PARD3B: variants seen among roughly 807,000 people sequenced by gnomAD.
PARD3B encodes par-3 family cell polarity regulator beta, also known as partitioning defective 3 homolog B.
In PARD3B, 103 loss-of-function variants were observed where a neutral mutation model predicts 130.2. The ratio of observed to expected loss-of-function variants is 0.79; its 90% CI spans 0.67 to 0.93. The LOEUF is 0.93. Ranked by LOEUF, PARD3B falls within the 40% of genes least tolerant of loss-of-function variation. The pLI, the probability that PARD3B is intolerant of heterozygous loss-of-function variation, is 0.00. For missense variants in PARD3B, 1,609 were observed against 1,499.2 expected (o/e 1.07, Z -1.21); for synonymous variants, 583 against 553.2 (o/e 1.05, Z -0.76).
intron 20 of PARD3B, among the ~76,000 whole-genome samples, chr2:205,490,764 C>A (rs912601353): frequency 1.3e-5 from 2 of 152,184 alleles, no homozygotes; most frequent in Non-Finnish European, 2.9e-5. Context: ...CACATCCTCT[C>A]CAGCACCTGT....
chr2:205,236,522 A>C (rs1017763464), intron 15 of PARD3B, among the ~76,000 whole-genome samples: 1 of 152,156 alleles, frequency 6.6e-6, no homozygotes, highest in Non-Finnish European at 1.5e-5. Flanking sequence ...AGAAATCAGC[A>C]CTGCTCACAG....
chr2:205,028,498 A>G (rs796321462), intron 3 of PARD3B, among the ~76,000 whole-genome samples: 2 of 152,158 alleles, frequency 1.3e-5, no homozygotes, highest in African/African-American at 4.8e-5. Context: ...AATACTCAAC[A>G]TGAAAAGCTG....
rs771553068 is a variant in PARD3B at position 204,953,418 on chromosome 2, CACAGAGAG to C, written c.223-11732_223-11725del. 4.7e-3 allele frequency among the ~76,000 whole-genome samples: 551 copies of C among 117,514 alleles called. 9 individuals carry two copies. The highest frequency in any genetic ancestry group is 0.016 in the African/African-American group (489 of 31,312). The allele number at this position is 117,514 out of a possible 152,430, so 77.1% of individuals were successfully genotyped here. On this transcript the variant is annotated intron_variant, in intron 2 of 22. Transcript: ENST00000406610. The stretch of plus-strand genomic sequence containing the variant: ...ACATATATATGTTAACATACACACA[CACAGAGAG>C]AGAGAGAGAGAGAGAGAGAGAGAGA...
intron 22 of PARD3B, among the ~76,000 whole-genome samples, chr2:205,561,525 C>T (rs570858947): frequency 6.6e-6 from 1 of 152,170 alleles, no homozygotes; most frequent in Non-Finnish European, 1.5e-5. Flanking sequence ...TGCGACAAGG[C>T]CAGCTTGTCA....
intron 21 of PARD3B, among the ~76,000 whole-genome samples, chr2:205,522,372 G>GT (rs1334360091): frequency 6.6e-6 from 1 of 151,426 alleles, no homozygotes; most frequent in Admixed American, 6.6e-5. Flanking sequence ...AAGGAATTAG[G>GT]TTTTTTATTT....
At chr2:204,981,013 T>C (rs1383947761) in intron 3 of PARD3B, among the ~76,000 whole-genome samples, 2 of 152,204 alleles carry the variant, frequency 1.3e-5, no homozygotes, top group African/African-American at 2.4e-5. Flanking sequence ...TTATACTATC[T>C]TTGCAAGTTA....
At chr2:205,512,743 G>A (rs1479383431) in intron 21 of PARD3B, among the ~76,000 whole-genome samples, 2 of 152,052 alleles carry the variant, frequency 1.3e-5, no homozygotes, top group African/African-American at 4.8e-5. Context: ...GTGATTTGAA[G>A]TTTCTCCTTT....
In PARD3B at chr2:205,091,457, G is replaced by T. The variant is rs972220022; in HGVS notation, c.505-12969G>T. 6.6e-6 allele frequency among the ~76,000 whole-genome samples: 1 copy of T among 152,158 alleles called. No homozygotes were observed. The highest frequency in any genetic ancestry group is 2.4e-5 in the African/African-American group (1 of 41,434). The stretch of plus-strand genomic sequence containing the variant: ...AAATAGATGAGGAGGGTGGCCATTA[G>T]AATATCCTCCCCACATTCACTCAGG... On this transcript the variant is annotated intron_variant, in intron 4 of 22. Transcript: ENST00000406610. The surrounding 1 kb of genome is among the most constrained non-coding windows in gnomAD (Gnocchi z 4.2).
At chr2:204,957,065 A>C (rs1445050178) in intron 2 of PARD3B, among the ~76,000 whole-genome samples, 1 of 152,178 alleles carries the variant, frequency 6.6e-6, no homozygotes, top group Non-Finnish European at 1.5e-5. Context: ...AATGTTGTTT[A>C]ATGAATCATG....
chr2:205,603,568 C>T (rs1328809828), intron 22 of PARD3B, among the ~76,000 whole-genome samples: 2 of 152,162 alleles, frequency 1.3e-5, no homozygotes, highest in South Asian at 2.1e-4. Context: ...AGATAGTTAG[C>T]TCTTCTTGTT....
rs546863095 is a variant in PARD3B at position 205,092,216 on chromosome 2, GA to G, written c.505-12209del. 1.9e-3 allele frequency among the ~76,000 whole-genome samples: 295 copies of G among 152,184 alleles called. 1 individual carries two copies. Among genetic ancestry groups the G allele is most frequent in the Middle Eastern group, 3.4e-3 (1 of 294 alleles). ...GATGGAGCAAGAGGAAGTGCTGAAGGACCAACTTGGAGACTCTCAGGTGTGG... is the reference window on the plus strand; with the variant it reads ...GATGGAGCAAGAGGAAGTGCTGAAGGCCAACTTGGAGACTCTCAGGTGTGG... On this transcript the variant is annotated intron_variant, in intron 4 of 22. Transcript: ENST00000406610.
intron 3 of PARD3B, among the ~76,000 whole-genome samples, chr2:204,992,735 G>C (rs1693834956): frequency 1.5e-5 from 2 of 131,708 alleles, no homozygotes; most frequent in Admixed American, 7.9e-5. Flanking sequence ...CCATTTGTTT[G>C]TGTCCTCTTT....
chr2:204,944,357 C>T (rs1041051132), intron 2 of PARD3B, among the ~76,000 whole-genome samples: 9 of 152,162 alleles, frequency 5.9e-5, no homozygotes, highest in African/African-American at 2.2e-4. Context: ...TGGCTTCTGT[C>T]CCCCAGCTCC....
chr2:205,496,496 A>G (rs1002948188), intron 20 of PARD3B, among the ~76,000 whole-genome samples: 5 of 152,200 alleles, frequency 3.3e-5, no homozygotes, highest in Admixed American at 6.5e-5. Context: ...AAGGGAGAAG[A>G]TACAGCATGT....
chr2:204,657,766 T>G lies in PARD3B; in HGVS notation c.121-28415T>G, dbSNP rs1052885690. On this transcript the variant is annotated intron_variant, in intron 1 of 22. Transcript: ENST00000406610. Reference sequence around the variant, plus strand: ...AATTGAAATACTTCTTTACTTAATTTTAAATAGTATGTATGATCATAATTT... The same window carrying G: ...AATTGAAATACTTCTTTACTTAATTGTAAATAGTATGTATGATCATAATTT... Among the ~76,000 whole-genome samples the G allele has an allele frequency of 3.9e-4, 59 of 152,300 alleles. 1 individual carries two copies. Among genetic ancestry groups the G allele is most frequent in the Middle Eastern group, 3.4e-3 (1 of 294 alleles).
At chr2:205,583,057 G>T (rs996295548) in intron 22 of PARD3B, among the ~76,000 whole-genome samples, 3 of 152,226 alleles carry the variant, frequency 2.0e-5, no homozygotes, top group Admixed American at 2.0e-4. Flanking sequence ...TATGGAATTG[G>T]TTGTTCTTGA....
chr2:204,918,964 A>G (rs2047559915), intron 2 of PARD3B, among the ~76,000 whole-genome samples: 1 of 151,798 alleles, frequency 6.6e-6, no homozygotes, highest in African/African-American at 2.4e-5. Flanking sequence ...CACTCAATAC[A>G]TCTTCACCCC....
At chr2:204,954,727 G>A (rs1690087517) in intron 2 of PARD3B, among the ~76,000 whole-genome samples, 3 of 152,230 alleles carry the variant, frequency 2.0e-5, no homozygotes, top group Non-Finnish European at 4.4e-5. Context: ...CACCTGCTCC[G>A]GCCAGCACTG....
intron 11 of PARD3B, among the ~76,000 whole-genome samples, chr2:205,163,350 C>T (rs2034617938): frequency 6.6e-6 from 1 of 152,094 alleles, no homozygotes; most frequent in African/African-American, 2.4e-5. Flanking sequence ...CAGGTTTGTG[C>T]TTAATAAATT....
Sources: allele counts gnomAD v4.1 joint callset (sites outside exome capture counted in the v4.1 genomes callset), GRCh38; gene constraint gnomAD v4.1.1; non-coding constraint Gnocchi (gnomAD v3.1); transcripts MANE v1.5; gene names NCBI Gene and HGNC (gene_info 2026-07-23, HGNC 2026-07-21).